Variants in AGAP4 observed in about 807,000 individuals in gnomAD.
AGAP4 encodes the protein ArfGAP with GTPase domain, ankyrin repeat and PH domain 4.
In AGAP4, 13 loss-of-function variants were observed where a neutral mutation model predicts 60.7. The observed-to-expected ratio is 0.21, with a 90% CI of 0.14 to 0.34. The LOEUF is 0.34. AGAP4 is among the 10% of genes least tolerant of loss of function. The pLI is 1.00. For missense variants in AGAP4, 169 were observed against 884.0 expected, an observed-to-expected ratio of 0.19 and a Z score of 10.26; for synonymous variants, 70 against 339.0, an observed-to-expected ratio of 0.21 and a Z score of 8.72.
In AGAP4 at chr10:45,826,614, G is replaced by A. The variant is rs782751401; in HGVS notation, c.1362C>T (p.Ser454=). 1.8e-5 allele frequency: 25 copies of A among 1,398,162 alleles called. 8 individuals carry two copies. In the East Asian group the frequency reaches 6.4e-4, roughly 36 times the overall value. 86.6% of individuals were successfully genotyped at this position (1,398,162 alleles called of 1,614,324 possible). ...ASLQSCESSK[S]KSQLTSQSKA... is the part of the protein sequence containing the mutation. ...TGCTCTGGCTGGTCAGCTGGGACTTGCTTTTACTGCTCTCGCATGACTGCA... is the reference window on the plus strand; with the variant it reads ...TGCTCTGGCTGGTCAGCTGGGACTTACTTTTACTGCTCTCGCATGACTGCA... The change falls in exon 8 of 8, where the codon AGC becomes AGT. Residue 454 remains serine (S), a synonymous_variant. Transcript: ENST00000616763.
upstream of AGAP4, among the ~76,000 whole-genome samples, chr10:45,849,947 T>G (rs1165835250): frequency 2.0e-5 from 3 of 151,240 alleles, no homozygotes; most frequent in African/African-American, 7.3e-5. Context: ...TTTTATTTTT[T>G]TTGAGACAGA....
exon 1 of AGAP4, chr10:45,853,839 C>T (rs1273401324): frequency 1.6e-6 from 2 of 1,273,812 alleles, no homozygotes; most frequent in Non-Finnish European, 2.0e-6. Flanking sequence ...GCAGATGGGT[C>T]TATTCTCATT....
At chr10:45,852,229 A>ACAAAC (rs1564866663), upstream of AGAP4, among the ~76,000 whole-genome samples, 11 of 144,546 alleles carry the variant, frequency 7.6e-5, no homozygotes, top group Non-Finnish European at 1.5e-4. Context: ...AAAAAAAAAA[A>ACAAAC]AAAAAAAAAA....
At chr10:45,848,817 A>T (rs1194578226), upstream of AGAP4, 2 of 151,816 alleles carry the variant, frequency 1.3e-5, no homozygotes, top group African/African-American at 2.4e-5. Flanking sequence ...ATCATGGCAG[A>T]GGGGGAAGTC....
upstream of AGAP4, among the ~76,000 whole-genome samples, chr10:45,849,473 G>GATTATT (rs782154006): frequency 0.032 from 4,544 of 143,256 alleles, 22 homozygotes; most frequent in Non-Finnish European, 0.044. Context: ...TGATGATGAT[G>GATTATT]ATTATTATTA....
upstream of AGAP4, among the ~76,000 whole-genome samples, chr10:45,850,787 G>A (rs1365411491): frequency 2.0e-5 from 3 of 151,868 alleles, no homozygotes; most frequent in Non-Finnish European, 2.9e-5. Context: ...TCCTGGCCAA[G>A]AATGTAGGAA....
At chr10:45,852,237 A>C (rs1279346112), upstream of AGAP4, among the ~76,000 whole-genome samples, 15 of 149,686 alleles carry the variant, frequency 1.0e-4, no homozygotes, top group Non-Finnish European at 1.5e-4. Flanking sequence ...AAAAAAAAAA[A>C]AAAAAACTAC....
intron 1 of AGAP4, 121 bp from the exon 2 acceptor site, chr10:45,846,876 G>A: frequency 8.0e-6 from 6 of 749,050 alleles, no homozygotes; most frequent in Non-Finnish European, 1.1e-5. Context: ...TGCCAGCCTG[G>A]GAGAATGAGA....
At chr10:45,850,114 A>G (rs1224856049), upstream of AGAP4, among the ~76,000 whole-genome samples, 6 of 151,808 alleles carry the variant, frequency 4.0e-5, no homozygotes, top group Admixed American at 1.3e-4. Context: ...ATTTTAGTAG[A>G]GATGGGGTTT....
At chr10:45,829,914 C>A (rs2058704100) in intron 6 of AGAP4, among the ~76,000 whole-genome samples, 1 of 148,916 alleles carries the variant, frequency 6.7e-6, no homozygotes, top group Non-Finnish European at 1.5e-5. Flanking sequence ...AAAACATAAA[C>A]CAATATATTC....
chr10:45,839,361 G>A (rs1297378783), intron 4 of AGAP4, among the ~76,000 whole-genome samples: 4 of 118,208 alleles, frequency 3.4e-5, no homozygotes, highest in African/African-American at 1.1e-4. Flanking sequence ...AAGGTCAGTT[G>A]CAAATCTCTA....
Position 45,847,245 on chromosome 10 carries a change from C to T in AGAP4, c.103G>A (p.Gly35Arg), listed in dbSNP as rs1458984228. The change falls in exon 1 of 8, where the codon GGA becomes AGA. Residue 35 changes from glycine (G) to arginine (R), a missense_variant. Physicochemically the swap from Gly to Arg is moderately radical, Grantham distance 125. Coordinates refer to ENST00000616763, the MANE Select transcript of AGAP4 (RefSeq NM_001276343.3). ...GCTCCTGCCATCCTGTCCCCAGCTC[C>T]TGCCTCATAGATCTCAGATTCAGAG... ...CPSESEIYEAGAGDRMAGAPM... is the reference protein window; with the variant it reads ...CPSESEIYEARAGDRMAGAPM... The T allele has an allele frequency of 4.4e-6, 7 of 1,599,390 alleles. No homozygotes were observed. In the South Asian group the frequency reaches 6.6e-5, roughly 15 times the overall value.
chr10:45,848,957 G>A (rs1452102034), upstream of AGAP4: 4 of 150,504 alleles, frequency 2.7e-5, no homozygotes, highest in East Asian at 5.9e-4. Context: ...TGGGCACGGT[G>A]GCTCACACTT....
rs1235987553 is a variant in AGAP4, at chr10:45,847,490, G to C, written c.-143C>G. 6 of 1,528,616 alleles carry C rather than the reference G, an allele frequency of 3.9e-6. No individual in the cohort carries two copies. The highest frequency in any genetic ancestry group is 5.2e-6 in the Non-Finnish European group (6 of 1,145,034). 94.7% of individuals were successfully genotyped at this position (1,528,616 alleles called of 1,614,324 possible). A position where few individuals can be genotyped will look rare whatever the true frequency, so the allele number is the denominator to read the frequency against. ...CCTGCCCACCTCACAGCGCGGCCCC[G>C]GGCACCAGCCCTGGCCCTGGCCCTG... is the stretch of plus-strand genomic sequence containing the variant. On this transcript the variant is annotated 5_prime_UTR_variant, in exon 1 of 8. Coordinates refer to ENST00000616763, the MANE Select transcript of AGAP4 (RefSeq NM_001276343.3).
upstream of AGAP4, among the ~76,000 whole-genome samples, chr10:45,849,778 T>A (rs1363947896): frequency 6.6e-6 from 1 of 151,086 alleles, no homozygotes; most frequent in African/African-American, 2.4e-5. Flanking sequence ...GTAGTTGGGA[T>A]TGCAGGCATG....
chr10:45,840,923 T>G (rs1207172986), intron 4 of AGAP4, among the ~76,000 whole-genome samples: 4 of 103,736 alleles, frequency 3.9e-5, no homozygotes. Flanking sequence ...TAAATATTAC[T>G]GATTTAATTA....
At chr10:45,830,241 C>T (rs1350827397) in intron 6 of AGAP4, among the ~76,000 whole-genome samples, 12 of 145,916 alleles carry the variant, frequency 8.2e-5, no homozygotes, top group African/African-American at 2.8e-4. Context: ...GGCGAGATCT[C>T]GGCTCACTGC....
chr10:45,852,153 C>G (rs1332269091), upstream of AGAP4, among the ~76,000 whole-genome samples: 1 of 147,516 alleles, frequency 6.8e-6, no homozygotes, highest in Non-Finnish European at 1.5e-5. Context: ...ACTTCGTGAT[C>G]TGCCCGCCTC....
chr10:45,838,895 T>A (rs2058871758), intron 4 of AGAP4, among the ~76,000 whole-genome samples: 1 of 146,924 alleles, frequency 6.8e-6, no homozygotes, highest in Admixed American at 6.8e-5. Flanking sequence ...TGGCAGTGGA[T>A]AAACTTTGAA....
Sources: allele counts gnomAD v4.1 joint callset (sites outside exome capture counted in the v4.1 genomes callset), GRCh38; gene constraint gnomAD v4.1.1; transcripts MANE v1.5; gene names NCBI Gene and HGNC (gene_info 2026-07-23, HGNC 2026-07-21).